TES: variants seen among roughly 807,000 people sequenced by gnomAD.
The protein encoded by TES is testin LIM domain protein.
TES carries 41 observed loss-of-function variants against 48.2 expected under a neutral mutation model. That is an observed-to-expected ratio of 0.85 (90% CI 0.66 to 1.10). TES has a LOEUF of 1.10. Ranked by LOEUF, TES falls within the 50% of genes least tolerant of loss-of-function variation. TES has a pLI of 0.00. For synonymous variants in TES, 162 were observed against 174.9 expected, an observed-to-expected ratio of 0.93 and a Z score of 0.58; for missense variants, 463 against 515.1, an observed-to-expected ratio of 0.90 and a Z score of 0.98.
chr7:116,254,753 T>A (rs1182296245), intron 6 of TES, among the ~76,000 whole-genome samples: 1 of 121,476 alleles, frequency 8.2e-6, no homozygotes, highest in East Asian at 2.3e-4. Flanking sequence ...AAAAAATATA[T>A]ATATATGTGT....
chr7:116,234,712 G>A (rs1246275855), intron 2 of TES, 93 bp downstream of exon 2: 7 of 983,408 alleles, frequency 7.1e-6, no homozygotes, highest in Non-Finnish European at 1.1e-5. Flanking sequence ...CTCCAGCATG[G>A]TTGCTAAGTT....
chr7:116,246,488 GC>G (rs1799924735), intron 2 of TES, among the ~76,000 whole-genome samples: 1 of 152,104 alleles, frequency 6.6e-6, no homozygotes, highest in African/African-American at 2.4e-5. Flanking sequence ...TTATGATGAA[GC>G]CCAAATTCCT....
intron 1 of TES, among the ~76,000 whole-genome samples, chr7:116,228,621 T>C (rs1173163472): frequency 1.3e-5 from 2 of 152,208 alleles, no homozygotes; most frequent in Non-Finnish European, 2.9e-5. Flanking sequence ...GTCTTTTGTT[T>C]CCTATGCATA....
intron 1 of TES, among the ~76,000 whole-genome samples, chr7:116,230,370 A>C (rs1292314080): frequency 6.6e-6 from 1 of 152,212 alleles, no homozygotes; most frequent in African/African-American, 2.4e-5. Context: ...AACTGGAAAG[A>C]GTCCATAAAG....
chr7:116,214,847 A>G (rs1201727600), intron 1 of TES, among the ~76,000 whole-genome samples: 2 of 152,032 alleles, frequency 1.3e-5, no homozygotes, highest in Admixed American at 6.6e-5. Flanking sequence ...AACCCTTCAC[A>G]CTGCACACTC....
intron 6 of TES, among the ~76,000 whole-genome samples, chr7:116,256,872 T>G (rs1422998581): frequency 1.3e-5 from 2 of 152,234 alleles, no homozygotes; most frequent in Non-Finnish European, 2.9e-5. Flanking sequence ...ATTAGTGGTG[T>G]TAATAATCTC....
chr7:116,252,684 A>G (rs17138472), intron 6 of TES: 199,075 of 632,122 alleles, frequency 0.31, 33,687 homozygotes, highest in East Asian at 0.58. Context: ...TACTTGTGAA[A>G]TTTACAATAT....
rs2116640462 is a variant in TES at position 116,257,214 on chromosome 7, AAAG to A, written c.1078-77_1078-75del. On this transcript the variant is annotated intron_variant, in intron 6 of 6. Transcript: ENST00000358204. Reference sequence around the variant, plus strand: ...CATTATGAGTTTTAATTTATCATCTAAAGAAATATGTCCTAAGATGAAAATGTT... The same window carrying A: ...CATTATGAGTTTTAATTTATCATCTAAAATATGTCCTAAGATGAAAATGTT... 6 of 1,377,474 alleles carry A rather than the reference AAAG, an allele frequency of 4.4e-6. No individual in the cohort carries two copies. In the South Asian group the frequency reaches 9.1e-5, roughly 21 times the overall value. The allele number at this position is 1,377,474 out of a possible 1,614,324, so 85.3% of individuals were successfully genotyped here. A position where few individuals can be genotyped will look rare whatever the true frequency, so the allele number is the denominator to read the frequency against.
At chr7:116,226,041 A>G (rs754361294) in intron 1 of TES, among the ~76,000 whole-genome samples, 4 of 152,208 alleles carry the variant, frequency 2.6e-5, no homozygotes, top group Non-Finnish European at 5.9e-5. Flanking sequence ...ATGGCAGTGT[A>G]AGTGCTCAAT....
chr7:116,239,377 A>G (rs1799814302), intron 2 of TES: 1 of 152,266 alleles, frequency 6.6e-6, no homozygotes, highest in East Asian at 1.9e-4. Context: ...GACAGAAGTC[A>G]TAGGGGCCAT....
intron 1 of TES, among the ~76,000 whole-genome samples, chr7:116,219,144 G>A (rs1184167401): frequency 6.6e-6 from 1 of 152,062 alleles, no homozygotes; most frequent in Admixed American, 6.6e-5. Flanking sequence ...ACCTCCTATA[G>A]AATAAAGAAG....
chr7:116,252,522 C>G (rs1436962891), intron 6 of TES, 46 bp downstream of exon 6: 1 of 1,613,642 alleles, frequency 6.2e-7, no homozygotes, highest in Non-Finnish European at 8.5e-7. Context: ...TGCTTTAGGA[C>G]TTGAGTTTAT....
intron 2 of TES, among the ~76,000 whole-genome samples, chr7:116,240,060 T>C (rs532460222): frequency 6.6e-6 from 1 of 152,320 alleles, no homozygotes; most frequent in African/African-American, 2.4e-5. Context: ...TTCTGATTGA[T>C]TTAGAGCTGG....
At chr7:116,217,449 T>C (rs1799506689) in intron 1 of TES, among the ~76,000 whole-genome samples, 1 of 152,160 alleles carries the variant, frequency 6.6e-6, no homozygotes. Flanking sequence ...TTTGCAGTCA[T>C]AGCTAATTTT....
chr7:116,252,040 A>G (rs1230042681), intron 5 of TES, 65 bp downstream of exon 5: 1 of 1,515,986 alleles, frequency 6.6e-7, no homozygotes, highest in Non-Finnish European at 9.1e-7. Context: ...CCCTTTACCT[A>G]GAAGGCAACA....
At chr7:116,243,608 A>G (rs777554708) in intron 2 of TES, among the ~76,000 whole-genome samples, 2 of 152,170 alleles carry the variant, frequency 1.3e-5, no homozygotes, top group Non-Finnish European at 2.9e-5. Flanking sequence ...GGCATATCAA[A>G]TTTATCAGTG....
chr7:116,250,094 G>A, intron 3 of TES, 67 bp from the exon 4 acceptor site: 2 of 1,329,468 alleles, frequency 1.5e-6, no homozygotes, highest in East Asian at 2.6e-5. Context: ...TGCTTCTGAT[G>A]TGTGTTATGA....
At chr7:116,247,173 A>G (rs73719152) in intron 2 of TES, among the ~76,000 whole-genome samples, 18,253 of 151,996 alleles carry the variant, frequency 0.12, 1,103 homozygotes, top group South Asian at 0.19. Context: ...AAGAGAAAGG[A>G]AAAACAAAGG....
At chr7:116,227,997 G>GT (rs1799644963) in intron 1 of TES, among the ~76,000 whole-genome samples, 1 of 135,808 alleles carries the variant, frequency 7.4e-6, no homozygotes, top group African/African-American at 2.9e-5. Flanking sequence ...ATGTTCCATA[G>GT]TCTTTTTTTT....
Sources: allele counts gnomAD v4.1 joint callset (sites outside exome capture counted in the v4.1 genomes callset), GRCh38; gene constraint gnomAD v4.1.1; transcripts MANE v1.5; gene names NCBI Gene and HGNC (gene_info 2026-07-23, HGNC 2026-07-21).